LINGO2: variants seen among roughly 807,000 people sequenced by gnomAD.
LINGO2 encodes leucine rich repeat and Ig domain containing 2, also known as leucine-rich repeat and immunoglobulin-like domain-containing nogo receptor-interacting protein 2.
In LINGO2, 14 loss-of-function variants were observed where a neutral mutation model predicts 30.6. The ratio of observed to expected loss-of-function variants is 0.46; its 90% CI spans 0.30 to 0.72. LINGO2 has a LOEUF of 0.72. Ranked by LOEUF, LINGO2 falls within the 30% of genes least tolerant of loss-of-function variation. LINGO2 has a pLI of 0.07. For missense variants in LINGO2, 729 were observed against 751.7 expected (o/e 0.97, Z 0.35); for synonymous variants, 317 against 288.5 (o/e 1.10, Z -1.00).
chr9:28,632,649 T>C (rs929078351), intron 1 of LINGO2, among the ~76,000 whole-genome samples: 1 of 137,490 alleles, frequency 7.3e-6, no homozygotes, highest in African/African-American at 2.6e-5. Context: ...TATATTTACA[T>C]AGATATTTTA....
chr9:27,980,517 C>T (rs931748007), intron 5 of LINGO2, among the ~76,000 whole-genome samples: 3 of 151,954 alleles, frequency 2.0e-5, no homozygotes, highest in Non-Finnish European at 2.9e-5. Flanking sequence ...AAGGGAATAT[C>T]TTCAATGTTT....
chr9:28,479,910 G>T (rs943620484), intron 1 of LINGO2, among the ~76,000 whole-genome samples: 608 of 16,832 alleles, frequency 0.036, no homozygotes, highest in Admixed American at 0.049. Flanking sequence ...TATATACGTA[G>T]GTATATATAT....
intron 4 of LINGO2, among the ~76,000 whole-genome samples, chr9:28,189,519 G>A (rs1564028981): frequency 7.5e-5 from 4 of 53,070 alleles, no homozygotes; most frequent in African/African-American, 1.8e-4. Context: ...AAGGGAGGGA[G>A]GAAGGAAGGG....
At chr9:28,967,266 T>C in the LINGO2 span, among the ~76,000 whole-genome samples, 14 of 152,084 alleles carry the variant, frequency 9.2e-5, no homozygotes. Context: ...AGTTCCCAAA[T>C]AATTATTTTT....
chr9:28,800,688 A>C, the LINGO2 span, among the ~76,000 whole-genome samples: 1 of 152,078 alleles, frequency 6.6e-6, no homozygotes, highest in African/African-American at 2.4e-5. Context: ...CAAAACTAGC[A>C]GACTGTAGCT....
intron 5 of LINGO2, among the ~76,000 whole-genome samples, chr9:27,970,319 C>A (rs1041179283): frequency 3.9e-5 from 6 of 152,154 alleles, no homozygotes; most frequent in Non-Finnish European, 8.8e-5. Flanking sequence ...CCCTTAGGCT[C>A]GGGGGATCTG....
intron 3 of LINGO2, among the ~76,000 whole-genome samples, chr9:28,338,699 G>A (rs140019420): frequency 3.3e-5 from 5 of 152,214 alleles, no homozygotes; most frequent in East Asian, 1.9e-4. Flanking sequence ...GGGTATATAA[G>A]AGGCTTTTCC....
the LINGO2 span, among the ~76,000 whole-genome samples, chr9:29,183,642 C>T: frequency 2.0e-5 from 3 of 152,148 alleles, no homozygotes; most frequent in African/African-American, 7.2e-5. Flanking sequence ...AACCAGTAGG[C>T]ACTCAGTGAC....
At chr9:28,031,090 A>T (rs191829387) in intron 4 of LINGO2, among the ~76,000 whole-genome samples, 130 of 152,304 alleles carry the variant, frequency 8.5e-4, no homozygotes, top group East Asian at 1.9e-3. Context: ...ATGAGGCTTT[A>T]TAGTGTTAGA....
intron 2 of LINGO2, among the ~76,000 whole-genome samples, chr9:28,461,917 CAGTCCATTTTACA>C (rs1304589998): frequency 6.6e-6 from 1 of 152,074 alleles, no homozygotes; most frequent in African/African-American, 2.4e-5. Context: ...TAGATGTCAG[CAGTCCATTTTACA>C]GATGAGGGAA....
chr9:28,303,471 A>C (rs1418748975), intron 3 of LINGO2, among the ~76,000 whole-genome samples: 1 of 152,108 alleles, frequency 6.6e-6, no homozygotes, highest in Non-Finnish European at 1.5e-5. Flanking sequence ...ACCCCTGAAC[A>C]ACATGTGGAT....
the LINGO2 span, among the ~76,000 whole-genome samples, chr9:28,786,098 GC>G: frequency 6.6e-6 from 1 of 152,102 alleles, no homozygotes; most frequent in South Asian, 2.1e-4. Context: ...ATTTCTCAAG[GC>G]CTGCTGTGCA....
At chr9:29,188,014 CTTTTTTT>C in the LINGO2 span, among the ~76,000 whole-genome samples, 91 of 75,776 alleles carry the variant, frequency 1.2e-3, 1 homozygote, top group Non-Finnish European at 2.0e-3. Context: ...TTGACAGAGT[CTTTTTTT>C]TTTTTTTTTT....
chr9:28,829,076 G>A, the LINGO2 span, among the ~76,000 whole-genome samples: 1 of 152,092 alleles, frequency 6.6e-6, no homozygotes, highest in Non-Finnish European at 1.5e-5. Flanking sequence ...AAAACCCCCA[G>A]GACCAGACCA....
chr9:28,641,528 C>G (rs942383531), intron 1 of LINGO2, among the ~76,000 whole-genome samples: 2 of 152,132 alleles, frequency 1.3e-5, no homozygotes, highest in African/African-American at 2.4e-5. Flanking sequence ...AGGAGGGCCT[C>G]TAACTAGAGG....
chr9:28,360,734 T>C (rs530543628), intron 3 of LINGO2, among the ~76,000 whole-genome samples: 6 of 152,244 alleles, frequency 3.9e-5, no homozygotes, highest in Non-Finnish European at 8.8e-5. Flanking sequence ...ATATTCCTTT[T>C]CATATATTCC....
the LINGO2 span, among the ~76,000 whole-genome samples, chr9:29,207,519 T>C: frequency 6.6e-6 from 1 of 152,272 alleles, no homozygotes; most frequent in Admixed American, 6.5e-5. Flanking sequence ...GGGAATCTTA[T>C]ATTTTTGCAC....
chr9:28,125,917 C>T (rs909253376), intron 4 of LINGO2, among the ~76,000 whole-genome samples: 1 of 152,176 alleles, frequency 6.6e-6, no homozygotes, highest in East Asian at 1.9e-4. Flanking sequence ...TTGTGATAAA[C>T]ACTCTCTGGT....
At chr9:28,842,634 A>G in the LINGO2 span, among the ~76,000 whole-genome samples, 1 of 152,040 alleles carries the variant, frequency 6.6e-6, no homozygotes, top group South Asian at 2.1e-4. Flanking sequence ...ACAGATCCAG[A>G]TACACAGAAA....
Sources: allele counts gnomAD v4.1 joint callset (sites outside exome capture counted in the v4.1 genomes callset), GRCh38; gene constraint gnomAD v4.1.1; transcripts MANE v1.5; gene names NCBI Gene and HGNC (gene_info 2026-07-23, HGNC 2026-07-21).